Variants in TRIQK observed in about 807,000 individuals in gnomAD.
TRIQK encodes triple QxxK/R motif-containing protein.
A neutral mutation model predicts 10.8 loss-of-function variants in TRIQK; 10 were observed. The observed-to-expected ratio is 0.92, with a 90% CI of 0.57 to 1.57. The LOEUF (loss-of-function observed/expected upper bound fraction) is 1.57, where lower values mean the gene tolerates loss of function less well. Ranked by LOEUF, TRIQK falls within the 40% of genes most tolerant of loss-of-function variation. TRIQK has a pLI of 0.00. For missense variants in TRIQK, 107 were observed against 97.7 expected, an observed-to-expected ratio of 1.09 and a Z score of -0.40; for synonymous variants, 33 against 33.7, an observed-to-expected ratio of 0.98 and a Z score of 0.07.
At chr8:92,968,792 G>A (rs985623042), upstream of TRIQK, among the ~76,000 whole-genome samples, 1 of 152,082 alleles carries the variant, frequency 6.6e-6, no homozygotes, top group Non-Finnish European at 1.5e-5. Context: ...CTATACAGAA[G>A]CTCTTCAGTT....
chr8:92,937,033 A>G (rs1811024325), intron 2 of TRIQK, among the ~76,000 whole-genome samples: 1 of 151,852 alleles, frequency 6.6e-6, no homozygotes, highest in Non-Finnish European at 1.5e-5. Flanking sequence ...ACCTACAAGA[A>G]CCATTAATCA....
intron 1 of TRIQK, among the ~76,000 whole-genome samples, chr8:92,987,932 G>T (rs547512429): frequency 2.0e-5 from 3 of 151,314 alleles, no homozygotes; most frequent in Admixed American, 1.3e-4. Flanking sequence ...TGCAGATAGG[G>T]TACATGGTTG....
intron 2 of TRIQK, chr8:92,926,460 T>A (rs1054472750): frequency 2.0e-5 from 3 of 152,114 alleles, no homozygotes; most frequent in African/African-American, 7.2e-5. Context: ...AGAAAGGAAC[T>A]GAGGTTGAGG....
intron 3 of TRIQK, 98 bp downstream of exon 3, chr8:92,916,831 T>A: frequency 1.2e-6 from 1 of 817,816 alleles, no homozygotes; most frequent in Non-Finnish European, 1.7e-6. Flanking sequence ...CATATTTCTG[T>A]GTATCATATG....
chr8:92,952,086 A>G (rs1341341141), intron 2 of TRIQK, among the ~76,000 whole-genome samples: 1 of 152,076 alleles, frequency 6.6e-6, no homozygotes, highest in African/African-American at 2.4e-5. Flanking sequence ...AAGGGAAAAA[A>G]AAAAACACAA....
chr8:92,933,910 T>C (rs1810856421), intron 2 of TRIQK, among the ~76,000 whole-genome samples: 1 of 152,090 alleles, frequency 6.6e-6, no homozygotes, highest in South Asian at 2.1e-4. Flanking sequence ...GCATCACTTA[T>C]GCTAATTTTT....
rs140460871 is a variant in TRIQK at position 92,942,099 on chromosome 8, G to A, written c.-22+12307C>T. Among the ~76,000 whole-genome samples, 34 of 152,168 alleles carry A rather than the reference G, an allele frequency of 2.2e-4. No individual in the cohort carries two copies. The East Asian group carries it at 6.6e-3, about 29-fold the overall frequency. ...ATGAGGCCGTAATTACTCTGATAATGCAATCAGACAAGGATGGAACAAAAA... is the reference window on the plus strand; with the variant it reads ...ATGAGGCCGTAATTACTCTGATAATACAATCAGACAAGGATGGAACAAAAA... On this transcript the variant is annotated intron_variant, in intron 2 of 4. Coordinates refer to ENST00000521988, the MANE Select transcript of TRIQK (RefSeq NM_001171797.2).
intron 2 of TRIQK, chr8:92,927,804 T>A (rs1810517050): frequency 6.6e-6 from 1 of 152,124 alleles, no homozygotes; most frequent in Non-Finnish European, 1.5e-5. Context: ...GACACTACAG[T>A]CAAATGGAAT....
intron 2 of TRIQK, among the ~76,000 whole-genome samples, chr8:92,952,418 AACACACACACACAC>A (rs143129049): frequency 6.8e-6 from 1 of 148,108 alleles, no homozygotes; most frequent in Non-Finnish European, 1.5e-5. Flanking sequence ...ACAAAGATAA[AACACACACACACAC>A]ACACACACAC....
Position 92,940,599 on chromosome 8 carries a change from C to G in TRIQK, c.-22+13807G>C, listed in dbSNP as rs368718804. On this transcript the variant is annotated intron_variant, in intron 2 of 4. Transcript: ENST00000521988. The stretch of plus-strand genomic sequence containing the variant: ...TTTAATGTTTGTAAATATATATGCA[C>G]CCAACATTGGAGCACCCAAATAAAT... Among the ~76,000 whole-genome samples the G allele has an allele frequency of 1.7e-4, 26 of 152,128 alleles. No homozygotes were observed. In the East Asian group the frequency reaches 4.8e-3, roughly 28 times the overall value.
intron 2 of TRIQK, among the ~76,000 whole-genome samples, chr8:92,936,570 T>A (rs1412088740): frequency 6.6e-6 from 1 of 151,408 alleles, no homozygotes; most frequent in Non-Finnish European, 1.5e-5. Context: ...GCAAAGATTA[T>A]CCTAAATAGA....
At chr8:92,940,369 T>C (rs985038519) in intron 2 of TRIQK, among the ~76,000 whole-genome samples, 4 of 149,050 alleles carry the variant, frequency 2.7e-5, no homozygotes, top group Non-Finnish European at 5.9e-5. Context: ...CTGTATATAC[T>C]GTCTGCAAGA....
chr8:92,890,512 A>C (rs1162798596), intron 4 of TRIQK, among the ~76,000 whole-genome samples: 1 of 151,844 alleles, frequency 6.6e-6, no homozygotes, highest in East Asian at 1.9e-4. Flanking sequence ...ACTGCACTAT[A>C]AGGTAGACCT....
chr8:92,986,447 T>C lies in TRIQK; in HGVS notation c.-181+31162A>G, dbSNP rs1586523064. On this transcript the variant is annotated intron_variant, in intron 1 of 4. Coordinates refer to the TRIQK transcript ENST00000520686. ...TTAGTACAATTAGCAAATGTATTTATAGGAATAAACAAGAATATCTTTTTC... is the reference window on the plus strand; with the variant it reads ...TTAGTACAATTAGCAAATGTATTTACAGGAATAAACAAGAATATCTTTTTC... 2.6e-5 allele frequency among the ~76,000 whole-genome samples: 4 copies of C among 152,306 alleles called. No homozygotes were observed. The South Asian group carries it at 8.3e-4, about 32-fold the overall frequency.
chr8:92,968,168 A>G (rs558087957), upstream of TRIQK, among the ~76,000 whole-genome samples: 1 of 152,294 alleles, frequency 6.6e-6, no homozygotes, highest in Non-Finnish European at 1.5e-5. Context: ...TCTATGGTGT[A>G]TATGTGCCAC....
intron 1 of TRIQK, among the ~76,000 whole-genome samples, chr8:93,006,035 A>G (rs1286762831): frequency 5.6e-5 from 2 of 35,668 alleles, no homozygotes; most frequent in African/African-American, 4.3e-4. Context: ...AAAAATAAGC[A>G]AAAAAAAAAA....
In TRIQK at chr8:93,007,056, AC is replaced by A. The variant is rs1334588654; in HGVS notation, c.-181+10552del. Among the ~76,000 whole-genome samples the A allele has an allele frequency of 2.0e-5, 3 of 151,878 alleles. No individual in the cohort carries two copies. The East Asian group carries it at 5.8e-4, about 30-fold the overall frequency. Reference sequence around the variant, plus strand: ...ATCCCGTACCTCCTGACTGGGTGAGACCCCCCAAGAGGGGTCACCAAACACC... The same window carrying A: ...ATCCCGTACCTCCTGACTGGGTGAGACCCCCAAGAGGGGTCACCAAACACC... On this transcript the variant is annotated intron_variant, in intron 1 of 4. Transcript: ENST00000520686.
chr8:92,894,174 T>C (rs1816898529), intron 3 of TRIQK, among the ~76,000 whole-genome samples: 1 of 152,104 alleles, frequency 6.6e-6, no homozygotes, highest in Non-Finnish European at 1.5e-5. Context: ...CCTGGTACTT[T>C]TCCAAGCAGT....
intron 1 of TRIQK, among the ~76,000 whole-genome samples, chr8:92,988,560 C>A (rs1563673448): frequency 6.6e-6 from 1 of 152,104 alleles, no homozygotes; most frequent in African/African-American, 2.4e-5. Context: ...ACAATTTGAT[C>A]AGTGATTCCA....
Sources: gnomAD v4.1 joint callset for allele counts (sites outside exome capture counted in the v4.1 genomes callset) on GRCh38, gnomAD v4.1.1 for gene constraint, MANE v1.5 for transcripts, NCBI Gene and HGNC (gene_info 2026-07-23, HGNC 2026-07-21) for gene names.